SEMA3C: variants seen among roughly 807,000 people sequenced by gnomAD.
The protein encoded by SEMA3C is semaphorin-3C.
SEMA3C carries 47 observed loss-of-function variants against 89.4 expected under a neutral mutation model. That is an observed-to-expected ratio of 0.53 (90% CI 0.42 to 0.67). The LOEUF is 0.67. SEMA3C is among the 30% of genes least tolerant of loss of function. The probability of loss-of-function intolerance (pLI) is 0.00; values close to 1 mark genes in which losing one functional copy is unlikely to be tolerated. For missense variants in SEMA3C, 839 were observed against 929.1 expected (o/e 0.90, Z 1.26); for synonymous variants, 310 against 320.2 (o/e 0.97, Z 0.34).
chr7:80,886,637 C>A (rs1791486355), intron 2 of SEMA3C, among the ~76,000 whole-genome samples: 2 of 152,130 alleles, frequency 1.3e-5, no homozygotes, highest in South Asian at 4.1e-4. Flanking sequence ...CAGGCATGAG[C>A]CACCTTGCCC....
At chr7:80,747,865 A>AT (rs1787836126) in intron 17 of SEMA3C, among the ~76,000 whole-genome samples, 8 of 152,128 alleles carry the variant, frequency 5.3e-5, no homozygotes, top group Admixed American at 5.2e-4. Flanking sequence ...TATTCCAGTA[A>AT]TGAGGGACAC....
intron 2 of SEMA3C, among the ~76,000 whole-genome samples, chr7:80,833,585 T>C (rs9942709): frequency 0.64 from 97,440 of 152,028 alleles, 31,516 homozygotes; most frequent in Middle Eastern, 0.78. Flanking sequence ...TATCTAGTTT[T>C]CCGAGCCATA....
At chr7:80,852,677 AT>A (rs751469979) in intron 2 of SEMA3C, among the ~76,000 whole-genome samples, 2,180 of 137,898 alleles carry the variant, frequency 0.016, 13 homozygotes, top group African/African-American at 0.031. Flanking sequence ...CTGAATAGAC[AT>A]TTTTTTTTTT....
intron 2 of SEMA3C, among the ~76,000 whole-genome samples, chr7:80,888,728 T>C (rs1027505694): frequency 9.2e-5 from 14 of 152,222 alleles, no homozygotes; most frequent in South Asian, 4.2e-4. Flanking sequence ...GTTTTCCTTA[T>C]AGACATTATA....
chr7:80,833,325 C>G (rs1041632755), intron 2 of SEMA3C, among the ~76,000 whole-genome samples: 1 of 151,958 alleles, frequency 6.6e-6, no homozygotes, highest in Non-Finnish European at 1.5e-5. Context: ...CCCAGCTACT[C>G]AGGAGGCTAA....
intron 4 of SEMA3C, among the ~76,000 whole-genome samples, chr7:80,826,187 C>T (rs960834066): frequency 6.6e-6 from 1 of 152,100 alleles, no homozygotes; most frequent in African/African-American, 2.4e-5. Flanking sequence ...TTTCCTCAAT[C>T]CCATATTTCC....
At chr7:80,891,860 ATAT>A (rs1326593228) in intron 2 of SEMA3C, among the ~76,000 whole-genome samples, 3 of 152,142 alleles carry the variant, frequency 2.0e-5, no homozygotes, top group Admixed American at 6.6e-5. Context: ...CAGAAAAGTC[ATAT>A]TATTATAAAA....
At position 80,808,251 on chromosome 7, in the gene SEMA3C, T is replaced by G. The variant is rs1382036348; in HGVS notation, c.538+2360A>C. On this transcript the variant is annotated intron_variant, in intron 6 of 17. Coordinates refer to ENST00000265361, the MANE Select transcript of SEMA3C (RefSeq NM_006379.5). ...AGATAAAACTCCAGTAGCAGCTATG[T>G]GAACAGATCCTTGAGGTTTATTTTT... Among the ~76,000 whole-genome samples, 4 of 152,176 alleles carry G rather than the reference T, an allele frequency of 2.6e-5. No individual in the cohort carries two copies. In the East Asian group the frequency reaches 7.7e-4, roughly 29 times the overall value.
chr7:80,794,909 G>A (rs1402245002), intron 11 of SEMA3C, among the ~76,000 whole-genome samples: 2 of 152,130 alleles, frequency 1.3e-5, no homozygotes, highest in African/African-American at 4.8e-5. Context: ...GGGCTTGCTG[G>A]TGGGGTCGTT....
Position 80,835,199 on chromosome 7 carries a change from T to C in SEMA3C, c.104-6454A>G, listed in dbSNP as rs533566920. Reference sequence around the variant, plus strand: ...TCATGAATTTAAAATTCATGATGTGTTATTAATTTGTTCAATATACATTTA... The same window carrying C: ...TCATGAATTTAAAATTCATGATGTGCTATTAATTTGTTCAATATACATTTA... On this transcript the variant is annotated intron_variant, in intron 2 of 17. Transcript: ENST00000265361. Among the ~76,000 whole-genome samples, 11 of 152,290 alleles carry C rather than the reference T, an allele frequency of 7.2e-5. No homozygotes were observed. The South Asian group carries it at 2.3e-3, about 32-fold the overall frequency.
chr7:80,854,211 C>T (rs566453903), intron 2 of SEMA3C, among the ~76,000 whole-genome samples: 1 of 152,142 alleles, frequency 6.6e-6, no homozygotes, highest in Non-Finnish European at 1.5e-5. Flanking sequence ...AAAAGATGCT[C>T]TCAAAGAAAA....
chr7:80,885,970 C>G (rs1395875990), intron 2 of SEMA3C, among the ~76,000 whole-genome samples: 2 of 152,176 alleles, frequency 1.3e-5, no homozygotes, highest in Non-Finnish European at 2.9e-5. Context: ...TTACAACAAA[C>G]CTGCTGATGA....
chr7:80,894,961 C>T (rs1791698705), intron 2 of SEMA3C, among the ~76,000 whole-genome samples: 1 of 152,052 alleles, frequency 6.6e-6, no homozygotes, highest in South Asian at 2.1e-4. Flanking sequence ...ATATAAGGGG[C>T]CAGATTAGAT....
At chr7:80,827,509 G>C (rs2115810397) in intron 3 of SEMA3C, 22 bp from the exon 4 acceptor site, 1 of 1,582,538 alleles carries the variant, frequency 6.3e-7, no homozygotes, top group East Asian at 2.3e-5. Context: ...GAAAAATAAA[G>C]GTTGCATAAT....
rs1008038457 is a variant in SEMA3C, at chr7:80,743,253, T to A, written c.*1641A>T. ...TGAAGTTTGGTGTTATGTCAGCATT[T>A]TAACTATTTTTGCTATAGCGAGGCC... is the stretch of plus-strand genomic sequence containing the variant. On this transcript the variant is annotated 3_prime_UTR_variant, in exon 18 of 18. Coordinates refer to ENST00000265361, the MANE Select transcript of SEMA3C (RefSeq NM_006379.5). 18 of 152,044 alleles carry A rather than the reference T, an allele frequency of 1.2e-4. No homozygotes were observed. The highest frequency in any genetic ancestry group is 4.1e-4 in the African/African-American group (17 of 41,560). The allele number at this position is 152,044 out of a possible 1,614,324, so 9.4% of individuals were successfully genotyped here. A position where few individuals can be genotyped will look rare whatever the true frequency, so the allele number is the denominator to read the frequency against.
chr7:80,781,060 C>G (rs1452676847), intron 12 of SEMA3C, among the ~76,000 whole-genome samples: 1 of 152,164 alleles, frequency 6.6e-6, no homozygotes, highest in Non-Finnish European at 1.5e-5. Flanking sequence ...GGCATATGGT[C>G]TCATTCCTCC....
intron 13 of SEMA3C, among the ~76,000 whole-genome samples, chr7:80,764,509 TGC>T (rs1336243411): frequency 6.6e-6 from 1 of 152,082 alleles, no homozygotes; most frequent in African/African-American, 2.4e-5. Flanking sequence ...ATAAAGAACA[TGC>T]ACTCTGCCCT....
intron 2 of SEMA3C, among the ~76,000 whole-genome samples, chr7:80,855,987 A>G (rs892440101): frequency 2.0e-5 from 3 of 152,200 alleles, no homozygotes; most frequent in African/African-American, 7.2e-5. Context: ...GCTTTTGTGA[A>G]TGTATTTCTT....
chr7:80,920,057 A>G (rs1792379432), upstream of SEMA3C, among the ~76,000 whole-genome samples: 1 of 152,200 alleles, frequency 6.6e-6, no homozygotes, highest in Non-Finnish European at 1.5e-5. Flanking sequence ...CGAAGAAATT[A>G]TTTGACAATT....
Sources: gnomAD v4.1 joint callset for allele counts (sites outside exome capture counted in the v4.1 genomes callset) on GRCh38, gnomAD v4.1.1 for gene constraint, MANE v1.5 for transcripts, NCBI Gene and HGNC (gene_info 2026-07-23, HGNC 2026-07-21) for gene names.